SHISA9: variants seen among roughly 807,000 people sequenced by gnomAD.
The protein encoded by SHISA9 is shisa family member 9, also known as protein shisa-9.
SHISA9 carries 13 observed loss-of-function variants against 38.0 expected under a neutral mutation model. The ratio of observed to expected loss-of-function variants is 0.34; its 90% CI spans 0.22 to 0.54. The LOEUF (loss-of-function observed/expected upper bound fraction) is 0.54, where lower values mean the gene tolerates loss of function less well. SHISA9 is among the 20% of genes least tolerant of loss of function. The pLI is 0.91. For synonymous variants in SHISA9, 275 were observed against 242.0 expected, an observed-to-expected ratio of 1.14 and a Z score of -1.27; for missense variants, 538 against 575.8, an observed-to-expected ratio of 0.93 and a Z score of 0.67.
chr16:13,293,557 T>C, the SHISA9 span, among the ~76,000 whole-genome samples: 4 of 152,188 alleles, frequency 2.6e-5, no homozygotes, highest in East Asian at 5.8e-4. Context: ...AGGTTGTTTA[T>C]TAAATATATA....
At chr16:13,063,918 G>A (rs549995825) in intron 2 of SHISA9, among the ~76,000 whole-genome samples, 5 of 152,216 alleles carry the variant, frequency 3.3e-5, no homozygotes, top group African/African-American at 9.6e-5. Flanking sequence ...TCTGACTTCC[G>A]ACTCCCACAC....
At chr16:13,438,155 C>T in the SHISA9 span, among the ~76,000 whole-genome samples, 12 of 152,104 alleles carry the variant, frequency 7.9e-5, no homozygotes, top group East Asian at 5.8e-4. Flanking sequence ...TGTGAGCCAC[C>T]GCACCCGGCC....
intron 2 of SHISA9, among the ~76,000 whole-genome samples, chr16:12,936,712 C>G (rs1484683476): frequency 6.6e-6 from 1 of 152,214 alleles, no homozygotes; most frequent in Non-Finnish European, 1.5e-5. Context: ...ACCAGAGAAA[C>G]AGCCATCATG....
At chr16:13,050,454 G>A (rs796158758) in intron 2 of SHISA9, among the ~76,000 whole-genome samples, 114 of 152,088 alleles carry the variant, frequency 7.5e-4, no homozygotes, top group African/African-American at 2.5e-3. Flanking sequence ...ACCTCAGCCC[G>A]TCAAGTGGCT....
At chr16:13,520,383 A>T in the SHISA9 span, among the ~76,000 whole-genome samples, 1 of 151,944 alleles carries the variant, frequency 6.6e-6, no homozygotes, top group Non-Finnish European at 1.5e-5. Context: ...GCAGATCACG[A>T]GGTTGAGAGA....
the SHISA9 span, among the ~76,000 whole-genome samples, chr16:13,478,582 C>G: frequency 2.0e-5 from 3 of 152,332 alleles, no homozygotes; most frequent in East Asian, 5.8e-4. Flanking sequence ...CCTGGAAGGT[C>G]TGTTCCACTC....
intron 2 of SHISA9, among the ~76,000 whole-genome samples, chr16:12,975,818 G>A (rs2072153972): frequency 6.6e-6 from 1 of 151,978 alleles, no homozygotes; most frequent in Non-Finnish European, 1.5e-5. Context: ...AGGACTTGAA[G>A]CCATGCTTAG....
chr16:13,382,069 G>A, the SHISA9 span, among the ~76,000 whole-genome samples: 14 of 151,996 alleles, frequency 9.2e-5, no homozygotes, highest in African/African-American at 2.9e-4. Flanking sequence ...AATCAGGGAC[G>A]GTATGGGTAA....
the SHISA9 span, among the ~76,000 whole-genome samples, chr16:13,298,583 G>T: frequency 6.6e-6 from 1 of 152,150 alleles, no homozygotes; most frequent in African/African-American, 2.4e-5. Flanking sequence ...CACCAAGCTG[G>T]TAAGTGCTGG....
chr16:13,368,498 G>A, the SHISA9 span, among the ~76,000 whole-genome samples: 3 of 152,206 alleles, frequency 2.0e-5, no homozygotes, highest in East Asian at 3.9e-4. Flanking sequence ...TAGAGGCTTC[G>A]TTGCGTTAGG....
In SHISA9 at chr16:13,237,336, T is replaced by C. The variant is rs899489665; in HGVS notation, c.*1927T>C. On this transcript the variant is annotated 3_prime_UTR_variant, in exon 5 of 5. Coordinates refer to ENST00000558583, the MANE Select transcript of SHISA9 (RefSeq NM_001145204.3). ...GGGGAATTGGGGTAGGTCAAGCTTT[T>C]TGAAACTGCAAAACCTCTACCTGTT... 1 of 152,142 alleles carries C rather than the reference T, an allele frequency of 6.6e-6. No individual in the cohort carries two copies. Among genetic ancestry groups the C allele is most frequent in the African/African-American group, 2.4e-5 (1 of 41,428 alleles). The allele number at this position is 152,142 out of a possible 1,614,324, so 9.4% of individuals were successfully genotyped here. A position where few individuals can be genotyped will look rare whatever the true frequency, so the allele number is the denominator to read the frequency against.
At chr16:12,999,158 C>T (rs2072494236) in intron 2 of SHISA9, among the ~76,000 whole-genome samples, 1 of 152,204 alleles carries the variant, frequency 6.6e-6, no homozygotes, top group Non-Finnish European at 1.5e-5. Context: ...TAAGGCACAT[C>T]ACAGCCTTCT....
At chr16:13,271,718 G>A in the SHISA9 span, among the ~76,000 whole-genome samples, 1 of 152,140 alleles carries the variant, frequency 6.6e-6, no homozygotes, top group African/African-American at 2.4e-5. Flanking sequence ...GTGGTTGCCT[G>A]GAGCTGGAGG....
chr16:13,353,729 G>T, the SHISA9 span, among the ~76,000 whole-genome samples: 2 of 152,120 alleles, frequency 1.3e-5, no homozygotes, highest in East Asian at 3.9e-4. Flanking sequence ...AGTGGTAAAA[G>T]TATTGTCCAG....
the SHISA9 span, among the ~76,000 whole-genome samples, chr16:13,431,819 G>A: frequency 3.9e-5 from 6 of 152,166 alleles, no homozygotes; most frequent in Admixed American, 3.9e-4. Context: ...CCAGAACTTT[G>A]GGAGGCTGAG....
chr16:13,075,922 C>G (rs991315070), intron 2 of SHISA9, among the ~76,000 whole-genome samples: 1 of 152,096 alleles, frequency 6.6e-6, no homozygotes, highest in African/African-American at 2.4e-5. Flanking sequence ...TTGGCTTCTA[C>G]CCATCAGATG....
At chr16:13,361,177 TC>T in the SHISA9 span, among the ~76,000 whole-genome samples, 2 of 152,220 alleles carry the variant, frequency 1.3e-5, no homozygotes, top group Non-Finnish European at 2.9e-5. Flanking sequence ...TACACCATCT[TC>T]TTTTCTTCTC....
intron 2 of SHISA9, among the ~76,000 whole-genome samples, chr16:13,115,066 A>T (rs1236861889): frequency 2.0e-5 from 3 of 152,084 alleles, no homozygotes; most frequent in Non-Finnish European, 4.4e-5. Flanking sequence ...ATATTTATGT[A>T]TCTACCTGTT....
At chr16:13,072,520 T>G (rs1245889146) in intron 2 of SHISA9, among the ~76,000 whole-genome samples, 1 of 152,234 alleles carries the variant, frequency 6.6e-6, no homozygotes, top group African/African-American at 2.4e-5. Flanking sequence ...TCTGGGTCAC[T>G]GAGCAGAATC....
Sources: gnomAD v4.1 joint callset for allele counts (sites outside exome capture counted in the v4.1 genomes callset) on GRCh38, gnomAD v4.1.1 for gene constraint, MANE v1.5 for transcripts, NCBI Gene and HGNC (gene_info 2026-07-23, HGNC 2026-07-21) for gene names.